Variants in CLEC2A observed in about 807,000 individuals in gnomAD.
CLEC2A encodes the protein keratinocyte-associated C-type lectin.
In CLEC2A, 19 loss-of-function variants were observed where a neutral mutation model predicts 18.6. The ratio of observed to expected loss-of-function variants is 1.02; its 90% CI spans 0.71 to 1.50. The LOEUF (loss-of-function observed/expected upper bound fraction) is 1.50. CLEC2A is among the 40% of genes most tolerant of loss of function. The pLI, the probability that CLEC2A is intolerant of heterozygous loss-of-function variation, is 0.00. For missense variants in CLEC2A, 190 were observed against 207.9 expected, an observed-to-expected ratio of 0.91 and a Z score of 0.53; for synonymous variants, 74 against 64.0, an observed-to-expected ratio of 1.16 and a Z score of -0.75.
chr12:9,912,400 C>T (rs560021482), downstream of CLEC2A, among the ~76,000 whole-genome samples: 1 of 152,082 alleles, frequency 6.6e-6, no homozygotes, highest in African/African-American at 2.4e-5. Flanking sequence ...ATGGCCTTTC[C>T]CCTGACCCTT....
chr12:9,906,373 G>T (rs1418484794), intron 4 of CLEC2A, among the ~76,000 whole-genome samples: 1 of 152,182 alleles, frequency 6.6e-6, no homozygotes, highest in Non-Finnish European at 1.5e-5. Context: ...GATCTGCAAG[G>T]TTATTTTTCT....
intron 4 of CLEC2A, among the ~76,000 whole-genome samples, chr12:9,899,661 G>A (rs1418930317): frequency 6.6e-6 from 1 of 152,192 alleles, no homozygotes; most frequent in Non-Finnish European, 1.5e-5. Flanking sequence ...CTGAAGCAGG[G>A]GAGGCTAGAG....
chr12:9,912,132 T>TA (rs569023749), downstream of CLEC2A, among the ~76,000 whole-genome samples: 6 of 152,046 alleles, frequency 3.9e-5, no homozygotes. Flanking sequence ...AAGAAGGGGA[T>TA]AAAAAAATCA....
chr12:9,891,998 AAG>A, the CLEC2A span, among the ~76,000 whole-genome samples: 2 of 152,242 alleles, frequency 1.3e-5, no homozygotes, highest in African/African-American at 4.8e-5. Flanking sequence ...ACTAAATGAT[AAG>A]AGAGTCAAAG....
the CLEC2A span, among the ~76,000 whole-genome samples, chr12:9,892,675 C>T: frequency 2.7e-5 from 4 of 150,214 alleles, no homozygotes; most frequent in African/African-American, 9.8e-5. Flanking sequence ...ACCTCCACCT[C>T]CCAGGTTCAA....
downstream of CLEC2A, among the ~76,000 whole-genome samples, chr12:9,912,695 C>T (rs148190880): frequency 7.0e-3 from 1,056 of 150,812 alleles, 16 homozygotes; most frequent in African/African-American, 0.024. Context: ...ACAGGATGCT[C>T]TGCTAGAGCA....
downstream of CLEC2A, among the ~76,000 whole-genome samples, chr12:9,911,937 G>A (rs1053066368): frequency 1.3e-5 from 2 of 152,146 alleles, no homozygotes; most frequent in Non-Finnish European, 2.9e-5. Flanking sequence ...ATGGAGGCCT[G>A]CAACACAAAC....
At chr12:9,921,255 C>T (rs948651794) in intron 3 of CLEC2A, among the ~76,000 whole-genome samples, 1 of 152,114 alleles carries the variant, frequency 6.6e-6, no homozygotes, top group Non-Finnish European at 1.5e-5. Flanking sequence ...GGGCACTGAC[C>T]GCCTGTGCAG....
downstream of CLEC2A, among the ~76,000 whole-genome samples, chr12:9,898,098 T>C (rs564820191): frequency 5.9e-5 from 9 of 152,374 alleles, no homozygotes; most frequent in South Asian, 1.4e-3. Context: ...TGTGATGCCA[T>C]AGTTCATTCC....
At chr12:9,914,673 G>A (rs547607851) in intron 4 of CLEC2A, among the ~76,000 whole-genome samples, 222 of 152,214 alleles carry the variant, frequency 1.5e-3, no homozygotes, top group African/African-American at 5.2e-3. Context: ...ACAGAAAACT[G>A]AAACTGGACC....
intron 4 of CLEC2A, among the ~76,000 whole-genome samples, chr12:9,915,799 C>A (rs891148873): frequency 2.0e-5 from 3 of 152,178 alleles, no homozygotes; most frequent in African/African-American, 7.2e-5. Flanking sequence ...AACAATCCAC[C>A]ATGGCACACA....
chr12:9,922,868 A>G (rs1863196360), intron 2 of CLEC2A, among the ~76,000 whole-genome samples: 1 of 152,206 alleles, frequency 6.6e-6, no homozygotes, highest in Admixed American at 6.5e-5. Context: ...AGCCAACTAT[A>G]TGCTCAAATG....
chr12:9,910,969 T>A (rs1335931404), downstream of CLEC2A, among the ~76,000 whole-genome samples: 1 of 152,158 alleles, frequency 6.6e-6, no homozygotes, highest in Non-Finnish European at 1.5e-5. Flanking sequence ...ACAAAGGATT[T>A]CTCAGCAAGG....
the CLEC2A span, among the ~76,000 whole-genome samples, chr12:9,883,513 T>C: frequency 6.6e-6 from 1 of 152,184 alleles, no homozygotes; most frequent in Non-Finnish European, 1.5e-5. Flanking sequence ...TTTATAAATC[T>C]TATTTGGCAA....
chr12:9,904,586 A>G (rs939143911), intron 4 of CLEC2A, among the ~76,000 whole-genome samples: 1 of 152,048 alleles, frequency 6.6e-6, no homozygotes, highest in Non-Finnish European at 1.5e-5. Context: ...TGGGTCCCAC[A>G]TGTTCTCCAG....
In CLEC2A at chr12:9,913,468, C is replaced by T; in HGVS notation, c.*98G>A. The T allele has an allele frequency of 2.7e-6, 4 of 1,455,018 alleles. No individual in the cohort carries two copies. Among genetic ancestry groups the T allele is most frequent in the Non-Finnish European group, 3.6e-6 (4 of 1,112,078 alleles). The allele number at this position is 1,455,018 out of a possible 1,614,324, so 90.1% of individuals were successfully genotyped here. The stretch of plus-strand genomic sequence containing the variant: ...AGAAAATGGGCCCTCACCAGAGGTT[C>T]CGTATTCTGTAACAGAATAAGTGAG... On this transcript the variant is annotated 3_prime_UTR_variant, in exon 5 of 5. Coordinates refer to ENST00000455827, the MANE Select transcript of CLEC2A (RefSeq NM_001130711.2).
intron 4 of CLEC2A, among the ~76,000 whole-genome samples, chr12:9,914,841 A>T (rs1179764157): frequency 1.3e-5 from 2 of 152,074 alleles, no homozygotes; most frequent in Non-Finnish European, 2.9e-5. Flanking sequence ...AAGCAACAAA[A>T]GCCAAAACTG....
the CLEC2A span, among the ~76,000 whole-genome samples, chr12:9,888,191 A>G: frequency 2.0e-5 from 3 of 151,922 alleles, no homozygotes; most frequent in South Asian, 4.2e-4. Context: ...AAGATCTCAC[A>G]TAATATTTAG....
At chr12:9,915,217 G>T (rs148829154) in intron 4 of CLEC2A, among the ~76,000 whole-genome samples, 304 of 152,234 alleles carry the variant, frequency 2.0e-3, no homozygotes, top group Non-Finnish European at 3.2e-3. Context: ...TGCTGGTGAG[G>T]CTGTGGCGAG....
Sources: allele counts gnomAD v4.1 joint callset (sites outside exome capture counted in the v4.1 genomes callset), GRCh38; gene constraint gnomAD v4.1.1; transcripts MANE v1.5; gene names NCBI Gene and HGNC (gene_info 2026-07-23, HGNC 2026-07-21).